Variants in ATP5PO observed in about 807,000 individuals in gnomAD.
ATP5PO encodes ATP synthase peripheral stalk subunit OSCP, mitochondrial.
A neutral mutation model predicts 26.2 loss-of-function variants in ATP5PO; 14 were observed. The observed-to-expected ratio is 0.53, with a 90% CI of 0.35 to 0.83. ATP5PO has a LOEUF of 0.83. Among genes scored for constraint, ATP5PO ranks in the 40% least tolerant of loss-of-function variants. The pLI is 0.01. For synonymous variants in ATP5PO, 106 were observed against 95.1 expected, an observed-to-expected ratio of 1.12 and a Z score of -0.67; for missense variants, 241 against 258.5, an observed-to-expected ratio of 0.93 and a Z score of 0.46.
At position 33,909,097 on chromosome 21, in the gene ATP5PO, T is replaced by G; in HGVS notation, c.313A>C (p.Thr105Pro). 8.1e-6 allele frequency: 13 copies of G among 1,611,446 alleles called. No homozygotes were observed. The highest frequency in any genetic ancestry group is 1.1e-5 in the Non-Finnish European group (13 of 1,177,846). The part of the protein sequence containing the change: ...ITAKERFSPL[T>P]TNLINLLAEN... ...TAATACTCACTGATCAGATTGGTAGTGAGGGGAGAGAACCTCTCTTTTGCT... is the reference window on the plus strand; with the variant it reads ...TAATACTCACTGATCAGATTGGTAGGGAGGGGAGAGAACCTCTCTTTTGCT... The change falls in exon 4 of 7, where the codon ACT becomes CCT. Residue 105 changes from threonine to proline, a missense_variant. Thr to Pro is a conservative substitution (Grantham distance 38). Transcript: ENST00000290299.
chr21:33,913,051 G>A (rs1036027895), intron 2 of ATP5PO, among the ~76,000 whole-genome samples: 2 of 152,192 alleles, frequency 1.3e-5, no homozygotes, highest in African/African-American at 4.8e-5. Context: ...GCTTGGATGA[G>A]AAAGATTTAG....
At chr21:33,904,887 CAT>C (rs1987148687) in intron 5 of ATP5PO, among the ~76,000 whole-genome samples, 1 of 152,166 alleles carries the variant, frequency 6.6e-6, no homozygotes, top group African/African-American at 2.4e-5. Flanking sequence ...ATTACAGGCG[CAT>C]GCCATCACAC....
intron 5 of ATP5PO, 176 bp downstream of exon 5, chr21:33,907,165 G>A (rs1293246797): frequency 2.2e-5 from 13 of 586,346 alleles, no homozygotes; most frequent in Non-Finnish European, 3.3e-5. Flanking sequence ...TAAGATACAC[G>A]CTGGCTTTTC....
Position 33,915,772 on chromosome 21 carries a change from G to A in ATP5PO, c.-9C>T, listed in dbSNP as rs775367269. 3.2e-6 allele frequency: 5 copies of A among 1,568,506 alleles called. 1 individual carries two copies. The highest frequency in any genetic ancestry group is 1.7e-4 in the Middle Eastern group (1 of 6,014). On this transcript the variant is annotated 5_prime_UTR_variant, in exon 1 of 7. Coordinates refer to ENST00000290299, the MANE Select transcript of ATP5PO (RefSeq NM_001697.3). ...ACTGCTGGGGCAGCCATCTTCTCCCGGGCGGCTGTAGGTCAAACCCGAGTG... is the reference window on the plus strand; with the variant it reads ...ACTGCTGGGGCAGCCATCTTCTCCCAGGCGGCTGTAGGTCAAACCCGAGTG...
At chr21:33,914,745 C>A in intron 1 of ATP5PO, 2 of 471,476 alleles carry the variant, frequency 4.2e-6, no homozygotes, top group Non-Finnish European at 7.6e-6. Flanking sequence ...AGGAATGGAC[C>A]GAGGCTAGCA....
rs149101118 is a variant in ATP5PO at position 33,912,424 on chromosome 21, G to A, written c.88-25C>T. The A allele has an allele frequency of 9.8e-3, 15,429 of 1,567,132 alleles. 107 individuals carry two copies. Among genetic ancestry groups the A allele is most frequent in the Non-Finnish European group, 0.011 (12,769 of 1,143,702 alleles). The stretch of plus-strand genomic sequence containing the variant: ...GCTTTAAAAAAAAGGTGAAATAGGA[G>A]AGGAAAGAAAAAGGAAAATCAGTTA... On this transcript the variant is annotated intron_variant, in intron 2 of 6. Coordinates refer to ENST00000290299, the MANE Select transcript of ATP5PO (RefSeq NM_001697.3).
At position 33,915,742 on chromosome 21, in the gene ATP5PO, C is replaced by T. The variant is rs1336761089; in HGVS notation, c.22G>A (p.Gly8Arg). MAAPAVS[G>R]LSRQVRCFST... ...CTTTCTCTCACCTGCCGGGAGAGCC[C>T]GGACACTGCTGGGGCAGCCATCTTC... The change falls in exon 1 of 7, where the codon GGG becomes AGG. Residue 8 changes from glycine (G) to arginine (R), a missense_variant. By Grantham distance (125) the Gly-to-Arg change is moderately radical. Transcript: ENST00000290299. 6.3e-7 allele frequency: 1 copy of T among 1,577,080 alleles called. No individual in the cohort carries two copies. The highest frequency in any genetic ancestry group is 1.8e-5 in the Admixed American group (1 of 55,380).
intron 5 of ATP5PO, chr21:33,906,851 T>C (rs898938769): frequency 4.5e-6 from 2 of 444,008 alleles, no homozygotes; most frequent in African/African-American, 4.0e-5. Flanking sequence ...ATTAGCCGGG[T>C]GTGGTGGGGG....
In ATP5PO at chr21:33,912,303, ACTCCTTTT is replaced by A; in HGVS notation, c.176_183del (p.Glu59ValfsTer27). ...AAGCTACTTACTGCTACTCTCAACAACTCCTTTTCTACTTGCTCCAGCTTATTCTGTTT... is the reference window on the plus strand; with the variant it reads ...AAGCTACTTACTGCTACTCTCAACAACTACTTGCTCCAGCTTATTCTGTTT... On this transcript the variant is annotated frameshift_variant, in exon 3 of 7. Coordinates refer to ENST00000290299, the MANE Select transcript of ATP5PO (RefSeq NM_001697.3). LOFTEE classifies it high-confidence loss of function. 1 of 1,611,540 alleles carries A rather than the reference ACTCCTTTT, an allele frequency of 6.2e-7. No homozygotes were observed. Among genetic ancestry groups the A allele is most frequent in the Non-Finnish European group, 8.5e-7 (1 of 1,178,550 alleles).
rs563541236 is a variant in ATP5PO, at chr21:33,905,159, T to G, written c.442-1138A>C. ...TAAAGATATAACAATATCCTTTTTT[T>G]GGGGGTGGGGGGTGCTGGTGGTGGC... is the stretch of plus-strand genomic sequence containing the variant. On this transcript the variant is annotated intron_variant, in intron 5 of 6. Transcript: ENST00000290299. Among the ~76,000 whole-genome samples, 191 of 152,258 alleles carry G rather than the reference T, an allele frequency of 1.3e-3. 1 individual carries two copies. Among genetic ancestry groups the G allele is most frequent in the Non-Finnish European group, 1.8e-3 (120 of 68,018 alleles).
rs1264768264 is a variant in ATP5PO at position 33,914,477 on chromosome 21, C to T, written c.60G>A (p.Val20=). 2.5e-6 allele frequency: 4 copies of T among 1,612,766 alleles called. No homozygotes were observed. Among genetic ancestry groups the T allele is most frequent in the Non-Finnish European group, 3.4e-6 (4 of 1,179,384 alleles). The change falls in exon 2 of 7, where the codon GTG becomes GTA. Residue 20 remains valine, a synonymous_variant. Coordinates refer to ENST00000290299, the MANE Select transcript of ATP5PO (RefSeq NM_001697.3). The stretch of plus-strand genomic sequence containing the variant: ...TCACAAGCTTGGCAAATGGTCTGAC[C>T]ACAGAGGTACTGAAGCATCGCACCT... ...SRQVRCFSTS[V]VRPFAKLVRP... is the part of the protein sequence containing the mutation.
At chr21:33,910,717 C>A (rs1987236490) in intron 3 of ATP5PO, among the ~76,000 whole-genome samples, 1 of 152,204 alleles carries the variant, frequency 6.6e-6, no homozygotes, top group Non-Finnish European at 1.5e-5. Context: ...ATGTCTCCAA[C>A]AACAGGGCTG....
In ATP5PO at chr21:33,903,588, C is replaced by T; in HGVS notation, c.580G>A (p.Val194Ile). The T allele has an allele frequency of 6.2e-7, 1 of 1,614,196 alleles. No homozygotes were observed. Among genetic ancestry groups the T allele is most frequent in the Non-Finnish European group, 8.5e-7 (1 of 1,180,030 alleles). ...ATCTTGGTCTTGACAGACATGTCAA[C>T]ATATTTCTCGCCAATGCGCACAATC... Reference protein sequence around the residue: ...GMIVRIGEKYVDMSVKTKIQK... With the variant: ...GMIVRIGEKYIDMSVKTKIQK... Residue 194 changes from valine (V) to isoleucine (I), a missense_variant, in exon 7 of 7, where the codon GTT (valine) becomes ATT (isoleucine). Val to Ile is a conservative substitution (Grantham distance 29). Around this residue, in one of 3 missense-constraint regions of ATP5PO, gnomAD observed 77 missense variants for 74.5 expected, o/e 1.03. Coordinates refer to ENST00000290299, the MANE Select transcript of ATP5PO (RefSeq NM_001697.3).
In ATP5PO at chr21:33,907,327, A is replaced by G; in HGVS notation, c.441+14T>C. On this transcript the variant is annotated intron_variant, in intron 5 of 6. Transcript: ENST00000290299. ...ATATCAAGGCAAACACAGCAGCAAC[A>G]ACCCGTTACTTACAGATGCAGAGGT... 5.6e-6 allele frequency: 9 copies of G among 1,597,878 alleles called. No homozygotes were observed. Among genetic ancestry groups the G allele is most frequent in the Non-Finnish European group, 7.7e-6 (9 of 1,165,856 alleles).
chr21:33,906,770 T>C (rs1219417171), intron 5 of ATP5PO: 1 of 456,252 alleles, frequency 2.2e-6, no homozygotes, highest in Non-Finnish European at 4.4e-6. Context: ...GGTGGGTCAC[T>C]TGAGCCCAGA....
intron 2 of ATP5PO, 101 bp downstream of exon 2, chr21:33,914,349 T>C (rs971602273): frequency 1.7e-6 from 2 of 1,191,900 alleles, no homozygotes; most frequent in Non-Finnish European, 2.4e-6. Flanking sequence ...CGCAAAAAGG[T>C]TTAGATAGTA....
rs970074094 is a variant in ATP5PO at position 33,903,726 on chromosome 21, C to T, written c.529-87G>A. 7.1e-6 allele frequency: 10 copies of T among 1,408,026 alleles called. 1 individual carries two copies. Among genetic ancestry groups the T allele is most frequent in the South Asian group, 5.9e-5 (5 of 84,698 alleles). 87.2% of individuals were successfully genotyped at this position (1,408,026 alleles called of 1,614,324 possible). ...GTGTTTTGAAAGGCTAAATGTGTTG[C>T]ACAAATGTAAGAGGTTATAATTACA... On this transcript the variant is annotated intron_variant, in intron 6 of 6. Transcript: ENST00000290299.
rs1478606326 is a variant in ATP5PO, at chr21:33,912,269, T to C, written c.198+20A>G. 2 of 1,583,646 alleles carry C rather than the reference T, an allele frequency of 1.3e-6. No individual in the cohort carries two copies. The highest frequency in any genetic ancestry group is 1.3e-5 in the African/African-American group (1 of 74,122). Reference sequence around the variant, plus strand: ...ATACAAACAGGAACTTCATATGTAATGAATAGGAAAGCTACTTACTGCTAC... The same window carrying C: ...ATACAAACAGGAACTTCATATGTAACGAATAGGAAAGCTACTTACTGCTAC... On this transcript the variant is annotated intron_variant, in intron 3 of 6. Coordinates refer to ENST00000290299, the MANE Select transcript of ATP5PO (RefSeq NM_001697.3).
intron 3 of ATP5PO, 38 bp from the exon 4 acceptor site, chr21:33,909,249 A>G (rs371313244): frequency 1.9e-6 from 3 of 1,597,456 alleles, no homozygotes; most frequent in East Asian, 2.2e-5. Flanking sequence ...AATTTTTTAG[A>G]GCACAAATGA....
Sources: gnomAD v4.1 joint callset for allele counts (sites outside exome capture counted in the v4.1 genomes callset) on GRCh38, gnomAD v4.1.1 for gene constraint, gnomAD v4.1.1 regional missense constraint, MANE v1.5 for transcripts, NCBI Gene and HGNC (gene_info 2026-07-23, HGNC 2026-07-21) for gene names.